OPCML: variants seen among roughly 807,000 people sequenced by gnomAD.
OPCML encodes opioid-binding protein/cell adhesion molecule.
In OPCML, 13 loss-of-function variants were observed where a neutral mutation model predicts 37.8. The observed-to-expected ratio is 0.34, with a 90% CI of 0.22 to 0.55. The LOEUF (loss-of-function observed/expected upper bound fraction) is 0.55, where lower values mean the gene tolerates loss of function less well. OPCML is among the 20% of genes least tolerant of loss of function. The pLI, the probability that OPCML is intolerant of heterozygous loss-of-function variation, is 0.91. For synonymous variants in OPCML, 176 were observed against 168.8 expected (o/e 1.04, Z -0.33); for missense variants, 341 against 435.6 (o/e 0.78, Z 1.93).
chr11:133,038,982 C>A (rs1947835228), intron 1 of OPCML, among the ~76,000 whole-genome samples: 1 of 152,192 alleles, frequency 6.6e-6, no homozygotes, highest in African/African-American at 2.4e-5. Context: ...GCGGGACCCA[C>A]ACCTGTCTCT....
At chr11:133,471,623 A>T (rs1591537568) in intron 1 of OPCML, among the ~76,000 whole-genome samples, 1 of 150,948 alleles carries the variant, frequency 6.6e-6, no homozygotes, top group African/African-American at 2.5e-5. Context: ...ATGATTTCTT[A>T]AAAAAAACAA....
chr11:133,429,215 A>C (rs1369688329), intron 1 of OPCML, among the ~76,000 whole-genome samples: 1 of 152,208 alleles, frequency 6.6e-6, no homozygotes, highest in Non-Finnish European at 1.5e-5. Flanking sequence ...AGAGCCTTCC[A>C]GGAGAGAACA....
chr11:133,061,789 CAA>C (rs1948346421), intron 1 of OPCML, among the ~76,000 whole-genome samples: 2 of 151,324 alleles, frequency 1.3e-5, no homozygotes, highest in African/African-American at 4.8e-5. Context: ...TCTCTTCTTT[CAA>C]AAACTTTTCC....
intron 3 of OPCML, among the ~76,000 whole-genome samples, chr11:132,645,510 C>T (rs959044958): frequency 3.3e-5 from 5 of 152,164 alleles, no homozygotes; most frequent in African/African-American, 1.2e-4. Context: ...ATTCAGATTG[C>T]TATCCCTAAG....
intron 1 of OPCML, among the ~76,000 whole-genome samples, chr11:133,531,802 C>A (rs1433295950): frequency 3.3e-5 from 5 of 151,704 alleles, no homozygotes; most frequent in Non-Finnish European, 5.9e-5. Flanking sequence ...CAGGGAGGCG[C>A]AGAGATCTGG....
intron 2 of OPCML, among the ~76,000 whole-genome samples, chr11:132,915,110 T>C (rs1184767296): frequency 1.3e-5 from 2 of 152,254 alleles, no homozygotes; most frequent in African/African-American, 4.8e-5. Flanking sequence ...TAGAGAAGTA[T>C]ACAGAACATG....
chr11:133,072,916 G>T (rs183403638), intron 1 of OPCML, among the ~76,000 whole-genome samples: 30 of 152,374 alleles, frequency 2.0e-4, no homozygotes, highest in Admixed American at 1.6e-3. Context: ...CTGAGACAAG[G>T]GTTGGTGTGA....
At chr11:133,064,553 GCCCTTTCC>G (rs1948407863) in intron 1 of OPCML, 1 of 152,332 alleles carries the variant, frequency 6.6e-6, no homozygotes, top group Admixed American at 6.5e-5. Flanking sequence ...TTGTGTGCTT[GCCCTTTCC>G]CCACGGTAGA....
intron 3 of OPCML, among the ~76,000 whole-genome samples, chr11:132,642,990 A>T (rs1447020555): frequency 1.3e-5 from 2 of 152,192 alleles, no homozygotes; most frequent in Non-Finnish European, 2.9e-5. Flanking sequence ...CAGCAATGTG[A>T]TTAGTTCTCA....
chr11:132,813,267 G>T (rs1054372644), intron 2 of OPCML, among the ~76,000 whole-genome samples: 2 of 152,150 alleles, frequency 1.3e-5, no homozygotes, highest in African/African-American at 4.8e-5. Context: ...TATGGAAACA[G>T]TGTCTCAATT....
chr11:133,344,163 T>C (rs1565583252), intron 1 of OPCML, among the ~76,000 whole-genome samples: 1 of 152,128 alleles, frequency 6.6e-6, no homozygotes, highest in Non-Finnish European at 1.5e-5. Flanking sequence ...TAACTTCCGG[T>C]TTAGTCACAC....
chr11:133,183,342 A>G (rs1488267784), intron 1 of OPCML, among the ~76,000 whole-genome samples: 1 of 152,204 alleles, frequency 6.6e-6, no homozygotes, highest in African/African-American at 2.4e-5. Flanking sequence ...CACTCTGCAA[A>G]GTTACATCTC....
At chr11:133,197,763 C>T (rs926709181) in intron 1 of OPCML, among the ~76,000 whole-genome samples, 2 of 152,188 alleles carry the variant, frequency 1.3e-5, no homozygotes, top group African/African-American at 4.8e-5. Context: ...TTCACAAGTG[C>T]TTGTGTGTGA....
chr11:132,656,836 G>A (rs1941731612), intron 3 of OPCML, among the ~76,000 whole-genome samples: 4 of 152,166 alleles, frequency 2.6e-5, no homozygotes, highest in East Asian at 1.9e-4. Flanking sequence ...AGCTCAATAC[G>A]AGTGCATGTT....
At chr11:132,942,026 A>T (rs1945595119) in intron 2 of OPCML, among the ~76,000 whole-genome samples, 1 of 152,218 alleles carries the variant, frequency 6.6e-6, no homozygotes, top group African/African-American at 2.4e-5. Context: ...GGGCAAATGC[A>T]TTCGCCCTGT....
chr11:133,450,946 A>T (rs1013593307), intron 1 of OPCML, among the ~76,000 whole-genome samples: 3 of 151,804 alleles, frequency 2.0e-5, no homozygotes, highest in Non-Finnish European at 4.4e-5. Flanking sequence ...CTCTATACTT[A>T]ATGTATACAT....
chr11:133,414,368 C>T (rs1003403422), intron 1 of OPCML, among the ~76,000 whole-genome samples: 1 of 152,130 alleles, frequency 6.6e-6, no homozygotes, highest in Non-Finnish European at 1.5e-5. Flanking sequence ...TTCCAATACG[C>T]TATTCTGAGA....
At chr11:132,473,656 T>C (rs1165974896) in intron 4 of OPCML, among the ~76,000 whole-genome samples, 1 of 152,098 alleles carries the variant, frequency 6.6e-6, no homozygotes, top group African/African-American at 2.4e-5. Flanking sequence ...CTGGATTCTG[T>C]CTCTACAAAA....
chr11:133,049,804 G>C (rs117859172), intron 1 of OPCML, among the ~76,000 whole-genome samples: 1 of 152,186 alleles, frequency 6.6e-6, no homozygotes, highest in Non-Finnish European at 1.5e-5. Flanking sequence ...TAGGCTGAAC[G>C]GCAGCCCCCA....
Sources: allele counts gnomAD v4.1 joint callset (sites outside exome capture counted in the v4.1 genomes callset), GRCh38; gene constraint gnomAD v4.1.1; transcripts MANE v1.5; gene names NCBI Gene and HGNC (gene_info 2026-07-23, HGNC 2026-07-21).